Variants in ANKS1B observed in about 807,000 individuals in gnomAD.
ANKS1B encodes ankyrin repeat and sterile alpha motif domain-containing protein 1B.
A neutral mutation model predicts 148.3 loss-of-function variants in ANKS1B; 36 were observed. The ratio of observed to expected loss-of-function variants is 0.24; its 90% CI spans 0.19 to 0.32. ANKS1B has a LOEUF of 0.32. Ranked by LOEUF, ANKS1B falls within the 10% of genes least tolerant of loss-of-function variation. The pLI is 1.00. For missense variants in ANKS1B, 1,157 were observed against 1,542.6 expected (o/e 0.75, Z 4.19); for synonymous variants, 542 against 560.8 (o/e 0.97, Z 0.47).
At chr12:98,940,605 G>C (rs1814566) in intron 17 of ANKS1B, among the ~76,000 whole-genome samples, 131,160 of 152,154 alleles carry the variant, frequency 0.86, 56,842 homozygotes, top group Middle Eastern at 0.94. Flanking sequence ...TATTATCTGT[G>C]TCAGTGGATG....
chr12:99,944,932 T>C (rs994399281), intron 1 of ANKS1B, among the ~76,000 whole-genome samples: 20 of 152,028 alleles, frequency 1.3e-4, no homozygotes, highest in African/African-American at 4.8e-4. Flanking sequence ...GAAATGGGGA[T>C]GGGGAGAGGT....
rs1419070819 is a variant in ANKS1B at position 99,897,621 on chromosome 12, T to A, written c.135-72232A>T. Among the ~76,000 whole-genome samples, 6 of 151,240 alleles carry A rather than the reference T, an allele frequency of 4.0e-5. No homozygotes were observed. The East Asian group carries it at 9.7e-4, about 24-fold the overall frequency. The stretch of plus-strand genomic sequence containing the variant: ...ACAGTCAGCAGCTACTAGAATAAAA[T>A]CTTACAGTCCATTCAAATCTAAAAA... On this transcript the variant is annotated intron_variant, in intron 1 of 26. Transcript: ENST00000683438.
At chr12:99,132,680 T>C (rs1317576570) in intron 15 of ANKS1B, among the ~76,000 whole-genome samples, 1 of 152,186 alleles carries the variant, frequency 6.6e-6, no homozygotes, top group Admixed American at 6.5e-5. Flanking sequence ...TTAACAGATC[T>C]GGGCTTGTAA....
intron 8 of ANKS1B, among the ~76,000 whole-genome samples, chr12:99,747,956 A>G (rs1043324116): frequency 6.9e-6 from 1 of 144,374 alleles, no homozygotes; most frequent in Non-Finnish European, 1.5e-5. Context: ...ATGAATGCAA[A>G]TTTCTTTTTC....
intron 17 of ANKS1B, among the ~76,000 whole-genome samples, chr12:98,980,581 C>A (rs565237451): frequency 2.0e-5 from 3 of 152,150 alleles, no homozygotes; most frequent in Non-Finnish European, 4.4e-5. Context: ...CTATTTAATG[C>A]TTTTTTCCTC....
At chr12:99,545,963 T>C (rs1596738463) in intron 9 of ANKS1B, among the ~76,000 whole-genome samples, 1 of 152,138 alleles carries the variant, frequency 6.6e-6, no homozygotes, top group East Asian at 1.9e-4. Context: ...TTCTCCTCCG[T>C]TGGAGAAGAA....
rs552213736 is a variant in ANKS1B at position 99,285,662 on chromosome 12, G to A, written c.1757-38798C>T. On this transcript the variant is annotated intron_variant, in intron 12 of 26. Coordinates refer to ENST00000683438, the MANE Select transcript of ANKS1B (RefSeq NM_001352186.2). ...TTTTAACATCATACCAATGAAAGAA[G>A]CACTGAAAGAGTATGAAAGATGTTG... 2.0e-5 allele frequency among the ~76,000 whole-genome samples: 3 copies of A among 152,272 alleles called. No individual in the cohort carries two copies. The East Asian group carries it at 5.8e-4, about 29-fold the overall frequency.
intron 17 of ANKS1B, among the ~76,000 whole-genome samples, chr12:98,883,064 T>C (rs1236827628): frequency 1.3e-5 from 2 of 152,198 alleles, no homozygotes; most frequent in African/African-American, 2.4e-5. Flanking sequence ...ACTGAGTCTA[T>C]TTATTGAAAG....
At chr12:98,828,136 C>T (rs1276656867) in intron 19 of ANKS1B, among the ~76,000 whole-genome samples, 4 of 152,084 alleles carry the variant, frequency 2.6e-5, no homozygotes, top group Admixed American at 2.6e-4. Flanking sequence ...CACAAAGAAC[C>T]CAGAGAACAA....
chr12:99,863,813 T>C (rs1215136081), intron 1 of ANKS1B, among the ~76,000 whole-genome samples: 3 of 151,534 alleles, frequency 2.0e-5, no homozygotes, highest in Admixed American at 6.6e-5. Flanking sequence ...GGCTCACGCC[T>C]GTAATCCCAG....
chr12:98,895,332 G>A (rs2099762725), intron 17 of ANKS1B: 9 of 984,594 alleles, frequency 9.1e-6, no homozygotes, highest in South Asian at 4.7e-5. Flanking sequence ...CGCACTCCGG[G>A]AGGCCGCCGG....
In ANKS1B at chr12:98,744,685, T is replaced by C; in HGVS notation, c.*1054A>G. The C allele has an allele frequency of 1.0e-6, 1 of 958,206 alleles. No homozygotes were observed. Among genetic ancestry groups the C allele is most frequent in the Non-Finnish European group, 1.2e-6 (1 of 805,232 alleles). The allele number at this position is 958,206 out of a possible 1,614,324, so 59.4% of individuals were successfully genotyped here. A position where few individuals can be genotyped will look rare whatever the true frequency, so the allele number is the denominator to read the frequency against. The stretch of plus-strand genomic sequence containing the variant: ...TATTACTTTGGAATTTCTTCTTTTT[T>C]TTTTTTGTATTTATTTTTTCTAGAA... On this transcript the variant is annotated 3_prime_UTR_variant, in exon 27 of 27. Coordinates refer to ENST00000683438, the MANE Select transcript of ANKS1B (RefSeq NM_001352186.2).
Position 99,053,189 on chromosome 12 carries a change from A to G in ANKS1B, c.2746T>C (p.Leu916=), listed in dbSNP as rs779921691. 5.0e-6 allele frequency: 8 copies of G among 1,608,772 alleles called. No homozygotes were observed. The highest frequency in any genetic ancestry group is 6.8e-6 in the Non-Finnish European group (8 of 1,177,644). The stretch of plus-strand genomic sequence containing the variant: ...AGTTCAACCTCCCAGATTTTTTTCA[A>G]CAGGTCCATCGAAGTGTAGCCATTA... The part of the protein sequence containing the change: ...LINGYTSMDL[L]KKIWEVELIN... The change falls in exon 17 of 27, where the codon TTG becomes CTG. Residue 916 remains leucine, a synonymous_variant. Coordinates refer to ENST00000683438, the MANE Select transcript of ANKS1B (RefSeq NM_001352186.2).
At position 99,196,668 on chromosome 12, in the gene ANKS1B, C is replaced by T. The variant is rs952402568; in HGVS notation, c.2420-42273G>A. On this transcript the variant is annotated intron_variant, in intron 14 of 26. Coordinates refer to ENST00000683438, the MANE Select transcript of ANKS1B (RefSeq NM_001352186.2). ...CTTTAAGTTTTAGGGTACATGTGCA[C>T]AATGTGCAGGATAGTTACATATGTA... Among the ~76,000 whole-genome samples the T allele has an allele frequency of 2.0e-5, 3 of 151,410 alleles. No individual in the cohort carries two copies. The South Asian group carries it at 6.3e-4, about 32-fold the overall frequency.
chr12:99,397,758 CA>C (rs1224299861), intron 12 of ANKS1B, among the ~76,000 whole-genome samples: 2 of 152,096 alleles, frequency 1.3e-5, no homozygotes, highest in Non-Finnish European at 2.9e-5. Flanking sequence ...GTTCCTGACA[CA>C]TAGTGTCATT....
intron 17 of ANKS1B, among the ~76,000 whole-genome samples, chr12:98,910,421 G>C (rs1288604140): frequency 6.6e-6 from 1 of 152,144 alleles, no homozygotes; most frequent in African/African-American, 2.4e-5. Flanking sequence ...TTGCAAGGGA[G>C]GGGGATATTT....
chr12:99,169,963 C>G (rs1313484995), intron 14 of ANKS1B, among the ~76,000 whole-genome samples: 1 of 152,182 alleles, frequency 6.6e-6, no homozygotes, highest in Non-Finnish European at 1.5e-5. Flanking sequence ...CATCCATACA[C>G]GTGCCAGCAA....
chr12:98,951,876 T>C (rs953768890), intron 17 of ANKS1B, among the ~76,000 whole-genome samples: 3 of 152,244 alleles, frequency 2.0e-5, no homozygotes, highest in Admixed American at 6.5e-5. Context: ...GTTTCTCTTT[T>C]TTCTTATTAG....
chr12:98,854,859 A>C (rs181608344), intron 17 of ANKS1B, among the ~76,000 whole-genome samples: 39 of 152,298 alleles, frequency 2.6e-4, no homozygotes, highest in Admixed American at 6.5e-4. Context: ...AATCTGAATA[A>C]AGTTTTTAAA....
Sources: gnomAD v4.1 joint callset for allele counts (sites outside exome capture counted in the v4.1 genomes callset) on GRCh38, gnomAD v4.1.1 for gene constraint, MANE v1.5 for transcripts, NCBI Gene and HGNC (gene_info 2026-07-23, HGNC 2026-07-21) for gene names.